The following RAMP3 variants were observed in gnomAD, a reference collection of about 807,000 sequenced individuals.
The protein encoded by RAMP3 is receptor activity modifying protein 3, also known as receptor activity-modifying protein 3.
A neutral mutation model predicts 13.5 loss-of-function variants in RAMP3; 14 were observed. The observed-to-expected ratio is 1.04, with a 90% CI of 0.69 to 1.63. The LOEUF (loss-of-function observed/expected upper bound fraction) is 1.63. Among genes scored for constraint, RAMP3 ranks in the 40% most tolerant of loss-of-function variants. The pLI is 0.00. For missense variants in RAMP3, 200 were observed against 204.8 expected (o/e 0.98, Z 0.14); for synonymous variants, 106 against 88.3 (o/e 1.20, Z -1.12).
Position 45,158,810 on chromosome 7 carries a change from T to C in RAMP3, c.58+924T>C, listed in dbSNP as rs1785812896. On this transcript the variant is annotated intron_variant, in intron 1 of 2. Transcript: ENST00000242249. ...GGTGGACCAAACTCAGTGGTCATTT[T>C]CCTTCCATTGAAGAGGTCTTGGTGT... is the stretch of plus-strand genomic sequence containing the variant. Among the ~76,000 whole-genome samples, 4 of 152,340 alleles carry C rather than the reference T, an allele frequency of 2.6e-5. No individual in the cohort carries two copies. In the South Asian group the frequency reaches 8.3e-4, roughly 32 times the overall value.
intron 2 of RAMP3, among the ~76,000 whole-genome samples, chr7:45,182,063 G>T (rs949903398): frequency 6.6e-6 from 1 of 152,138 alleles, no homozygotes; most frequent in Non-Finnish European, 1.5e-5. Context: ...CCTTTCTGAT[G>T]CTTTGGGAAA....
chr7:45,172,693 TG>T (rs1360923228), intron 1 of RAMP3, among the ~76,000 whole-genome samples: 5 of 152,308 alleles, frequency 3.3e-5, no homozygotes, highest in Admixed American at 3.3e-4. Context: ...GTCTTTCTAT[TG>T]AGGTTATACT....
intron 1 of RAMP3, 62 bp from the exon 2 acceptor site, chr7:45,177,247 C>T (rs1786205368): frequency 6.2e-7 from 1 of 1,605,840 alleles, no homozygotes; most frequent in Non-Finnish European, 8.5e-7. Flanking sequence ...CCTTGGGCCT[C>T]CCCTGTCCTG....
intron 1 of RAMP3, among the ~76,000 whole-genome samples, chr7:45,170,607 G>T (rs1361771784): frequency 6.6e-6 from 1 of 151,388 alleles, no homozygotes; most frequent in Non-Finnish European, 1.5e-5. Context: ...AAAGTGCTGG[G>T]ATTACAGGCG....
intron 2 of RAMP3, among the ~76,000 whole-genome samples, chr7:45,179,976 C>A (rs149751414): frequency 4.6e-3 from 707 of 152,340 alleles, no homozygotes; most frequent in Non-Finnish European, 7.7e-3. Flanking sequence ...GATGCAAGGA[C>A]CTGAGAATTT....
In RAMP3 at chr7:45,183,500, C is replaced by T. The variant is rs369966423; in HGVS notation, c.*88C>T. ...GAGAGCGGGTGGGTGCTGCCAATCT[C>T]CAGCTACTGTGGCCACACCCCACCT... is the stretch of plus-strand genomic sequence containing the variant. On this transcript the variant is annotated 3_prime_UTR_variant, in exon 3 of 3. Coordinates refer to ENST00000242249, the MANE Select transcript of RAMP3 (RefSeq NM_005856.3). 6,529 of 1,550,550 alleles carry T rather than the reference C, an allele frequency of 4.2e-3. 24 individuals are homozygous for T. Among genetic ancestry groups the T allele is most frequent in the South Asian group, 6.0e-3 (510 of 85,380 alleles).
chr7:45,170,857 C>T (rs548013968), intron 1 of RAMP3, among the ~76,000 whole-genome samples: 1 of 151,890 alleles, frequency 6.6e-6, no homozygotes, highest in Non-Finnish European at 1.5e-5. Flanking sequence ...CAATGGTGCC[C>T]AGGCTGGTCA....
At chr7:45,158,060 G>A (rs1469393909) in intron 1 of RAMP3, among the ~76,000 whole-genome samples, 174 bp downstream of exon 1, 1 of 152,230 alleles carries the variant, frequency 6.6e-6, no homozygotes. Context: ...GGTTCCACCC[G>A]GGAGAAGCTG....
intron 2 of RAMP3, among the ~76,000 whole-genome samples, chr7:45,178,098 T>TGTAAGGAG (rs1786230750): frequency 6.6e-6 from 1 of 152,084 alleles, no homozygotes; most frequent in Non-Finnish European, 1.5e-5. Context: ...GCTCCACCTC[T>TGTAAGGAG]CCTTACAGCT....
intron 1 of RAMP3, among the ~76,000 whole-genome samples, chr7:45,166,053 G>A (rs778627966): frequency 7.9e-5 from 12 of 152,154 alleles, no homozygotes; most frequent in Non-Finnish European, 4.4e-5. Flanking sequence ...GTAGTCATAT[G>A]GTAACTCTAC....
intron 1 of RAMP3, among the ~76,000 whole-genome samples, chr7:45,170,182 AT>A (rs201062699): frequency 1.5e-5 from 2 of 131,860 alleles, no homozygotes; most frequent in South Asian, 2.3e-4. Context: ...GATTTTGTTG[AT>A]TTTTTTTCTA....
At chr7:45,182,906 C>T (rs1235621135) in intron 2 of RAMP3, among the ~76,000 whole-genome samples, 1 of 152,166 alleles carries the variant, frequency 6.6e-6, no homozygotes, top group Non-Finnish European at 1.5e-5. Context: ...ACCCTGGATC[C>T]TGGGAGCTCA....
At chr7:45,177,475 G>T in intron 2 of RAMP3, 34 bp downstream of exon 2, 1 of 1,613,076 alleles carries the variant, frequency 6.2e-7, no homozygotes, top group South Asian at 1.1e-5. Context: ...GATTTGCTCT[G>T]ACCACAGCGC....
At chr7:45,162,168 G>A (rs1785879221) in intron 1 of RAMP3, among the ~76,000 whole-genome samples, 2 of 152,198 alleles carry the variant, frequency 1.3e-5, no homozygotes, top group South Asian at 4.1e-4. Context: ...GGTGGCAGAG[G>A]GAGGCCTTGG....
At chr7:45,177,599 C>T (rs1378191666) in intron 2 of RAMP3, among the ~76,000 whole-genome samples, 158 bp downstream of exon 2, 2 of 152,130 alleles carry the variant, frequency 1.3e-5, no homozygotes, top group African/African-American at 4.8e-5. Flanking sequence ...CATGTGCTGC[C>T]CCACACTTTG....
intron 1 of RAMP3, chr7:45,163,198 G>T (rs1009113447): frequency 2.4e-5 from 24 of 985,340 alleles, no homozygotes; most frequent in Non-Finnish European, 2.8e-5. Flanking sequence ...AGTTGACTCT[G>T]CTGGGTCTGT....
At chr7:45,179,478 C>T (rs946173356) in intron 2 of RAMP3, among the ~76,000 whole-genome samples, 2 of 152,268 alleles carry the variant, frequency 1.3e-5, no homozygotes, top group Middle Eastern at 3.4e-3. Context: ...AAGAAAACTG[C>T]AAACGTCACG....
chr7:45,178,523 G>A (rs897357857), intron 2 of RAMP3, among the ~76,000 whole-genome samples: 2 of 152,260 alleles, frequency 1.3e-5, no homozygotes, highest in Non-Finnish European at 2.9e-5. Context: ...CCAGCAGATG[G>A]GGGCTTCTTG....
chr7:45,178,789 C>A (rs1421576870), intron 2 of RAMP3, among the ~76,000 whole-genome samples: 1 of 152,210 alleles, frequency 6.6e-6, no homozygotes, highest in Non-Finnish European at 1.5e-5. Flanking sequence ...GGTAAAGAGA[C>A]TAAATAGAGA....
Sources: gnomAD v4.1 joint callset for allele counts (sites outside exome capture counted in the v4.1 genomes callset) on GRCh38, gnomAD v4.1.1 for gene constraint, MANE v1.5 for transcripts, NCBI Gene and HGNC (gene_info 2026-07-23, HGNC 2026-07-21) for gene names.